Variants in C2CD5 observed in about 807,000 individuals in gnomAD.
The protein encoded by C2CD5 is C2 calcium dependent domain containing 5, also known as C2 domain-containing protein 5.
In C2CD5, 109 loss-of-function variants were observed where a neutral mutation model predicts 130.3. The ratio of observed to expected loss-of-function variants is 0.84; its 90% CI spans 0.72 to 0.98. The LOEUF (loss-of-function observed/expected upper bound fraction) is 0.98, where lower values mean the gene tolerates loss of function less well. Among genes scored for constraint, C2CD5 ranks in the 50% least tolerant of loss-of-function variants. The pLI is 0.00. For synonymous variants in C2CD5, 454 were observed against 429.2 expected, an observed-to-expected ratio of 1.06 and a Z score of -0.71; for missense variants, 996 against 1,261.8, an observed-to-expected ratio of 0.79 and a Z score of 3.19.
At chr12:22,531,449 G>C (rs1271184857) in intron 3 of C2CD5, among the ~76,000 whole-genome samples, 2 of 152,150 alleles carry the variant, frequency 1.3e-5, no homozygotes, top group African/African-American at 4.8e-5. Flanking sequence ...CAGACCAATG[G>C]AATGGAGTTG....
chr12:22,481,496 T>A (rs1360514864), intron 14 of C2CD5, among the ~76,000 whole-genome samples: 1 of 152,064 alleles, frequency 6.6e-6, no homozygotes, highest in Non-Finnish European at 1.5e-5. Flanking sequence ...GGCACCTGGT[T>A]CTCTGAGTCC....
chr12:22,543,809 C>T (rs1302313593), intron 2 of C2CD5, among the ~76,000 whole-genome samples: 2 of 152,114 alleles, frequency 1.3e-5, no homozygotes, highest in Non-Finnish European at 2.9e-5. Context: ...GTCCTGACAT[C>T]AGGGTCACCC....
intron 15 of C2CD5, chr12:22,477,332 A>AATG (rs997703499): frequency 3.3e-5 from 5 of 152,184 alleles, no homozygotes; most frequent in African/African-American, 4.8e-5. Flanking sequence ...CACAGTGAAT[A>AATG]ATGAATAGTG....
At chr12:22,527,609 C>T (rs1950845069) in intron 4 of C2CD5, 112 bp downstream of exon 4, 3 of 625,276 alleles carry the variant, frequency 4.8e-6, no homozygotes, top group Non-Finnish European at 5.1e-6. Context: ...TGAGCCACCG[C>T]ACCTAGCCTA....
intron 2 of C2CD5, among the ~76,000 whole-genome samples, chr12:22,542,895 C>T (rs7971095): frequency 0.046 from 7,029 of 152,262 alleles, 556 homozygotes; most frequent in African/African-American, 0.16. Flanking sequence ...AAATTCAACA[C>T]GTTACCTATT....
chr12:22,498,553 TAAATG>T (rs1336451516), intron 10 of C2CD5, among the ~76,000 whole-genome samples: 1 of 152,212 alleles, frequency 6.6e-6, no homozygotes, highest in Admixed American at 6.5e-5. Context: ...GCTCCTAAAC[TAAATG>T]AATTTTCTAA....
In C2CD5 at chr12:22,482,759, A is replaced by C. The variant is rs1350931564; in HGVS notation, c.1551-16T>G. 3 of 1,601,500 alleles carry C rather than the reference A, an allele frequency of 1.9e-6. No homozygotes were observed. The South Asian group carries it at 3.3e-5, about 18-fold the overall frequency. On this transcript the variant is annotated splice_polypyrimidine_tract_variant and intron_variant, in intron 13 of 26. Coordinates refer to ENST00000446597, the MANE Select transcript of C2CD5 (RefSeq NM_001286176.2). The stretch of plus-strand genomic sequence containing the variant: ...GCGACATAACCTGTAAAGGAAAATA[A>C]GTCAGTGAACAGTATTCTTGGTACC...
At chr12:22,508,037 C>T (rs1401325356) in intron 9 of C2CD5, among the ~76,000 whole-genome samples, 1 of 152,028 alleles carries the variant, frequency 6.6e-6, no homozygotes, top group African/African-American at 2.4e-5. Flanking sequence ...CAGAAGCAGG[C>T]TTATTAAAAG....
rs767886202 is a variant in C2CD5 at position 22,457,159 on chromosome 12, T to C, written c.2689A>G (p.Met897Val). The C allele has an allele frequency of 2.5e-6, 4 of 1,592,464 alleles. No individual in the cohort carries two copies. The highest frequency in any genetic ancestry group is 1.1e-5 in the South Asian group (1 of 87,158). ...ACTGGACTTGCTTTTTCAACTGTCA[T>C]GGCTAAAATTGGAGAAAAATGAGAA... ...TIRRGSIKTT[M>V]TVEKASPVGD... The change falls in exon 25 of 27, where the codon ATG becomes GTG. Residue 897 changes from methionine to valine, a missense_variant and splice_region_variant. By Grantham distance (21) the Met-to-Val change is conservative. Transcript: ENST00000446597.
intron 10 of C2CD5, among the ~76,000 whole-genome samples, chr12:22,497,425 T>C (rs1947163926): frequency 6.6e-6 from 1 of 152,128 alleles, no homozygotes; most frequent in African/African-American, 2.4e-5. Context: ...AAATATTGTT[T>C]AAAAATAAAA....
At chr12:22,531,787 T>C (rs1008077366) in intron 3 of C2CD5, among the ~76,000 whole-genome samples, 4 of 152,190 alleles carry the variant, frequency 2.6e-5, no homozygotes, top group African/African-American at 9.6e-5. Flanking sequence ...TCCACAGAGA[T>C]AATAAATAAA....
intron 11 of C2CD5, among the ~76,000 whole-genome samples, chr12:22,492,138 T>C (rs1177616442): frequency 6.6e-6 from 1 of 152,132 alleles, no homozygotes; most frequent in African/African-American, 2.4e-5. Context: ...TTTAATTCTT[T>C]TTCCCTAACA....
intron 22 of C2CD5, among the ~76,000 whole-genome samples, chr12:22,465,931 T>G (rs1314948607): frequency 6.6e-6 from 1 of 151,980 alleles, no homozygotes; most frequent in African/African-American, 2.4e-5. Flanking sequence ...TAACACCAAA[T>G]CAACCATAAA....
At chr12:22,471,321 G>A in intron 20 of C2CD5, 78 bp downstream of exon 20, 3 of 828,364 alleles carry the variant, frequency 3.6e-6, no homozygotes, top group South Asian at 1.7e-5. Context: ...TTTAATTACG[G>A]CAAAATTATG....
chr12:22,538,348 C>T (rs1952017727), intron 2 of C2CD5, among the ~76,000 whole-genome samples: 1 of 152,274 alleles, frequency 6.6e-6, no homozygotes, highest in South Asian at 2.1e-4. Flanking sequence ...TTTACATTCA[C>T]TCATTTATAT....
chr12:22,485,471 C>A (rs1394718531), intron 12 of C2CD5, among the ~76,000 whole-genome samples: 1 of 151,258 alleles, frequency 6.6e-6, no homozygotes, highest in Non-Finnish European at 1.5e-5. Flanking sequence ...CTACTAGGTA[C>A]CCCCCAAAAT....
At chr12:22,508,871 C>CT (rs60617771) in intron 9 of C2CD5, among the ~76,000 whole-genome samples, 9,424 of 138,334 alleles carry the variant, frequency 0.068, 614 homozygotes, top group African/African-American at 0.17. Context: ...ATACTTAAAT[C>CT]TTTTTTTTTT....
rs183925516 is a variant in C2CD5 at position 22,491,626 on chromosome 12, C to G, written c.1263-1408G>C. Among the ~76,000 whole-genome samples, 360 of 152,246 alleles carry G rather than the reference C, an allele frequency of 2.4e-3. 4 individuals are homozygous for G. Among genetic ancestry groups the G allele is most frequent in the African/African-American group, 8.4e-3 (349 of 41,544 alleles). ...TGGTGGCTTACGCCTGTAATCCCAG[C>G]ACTTTGGGAGGCCGAGGTGGACAGA... On this transcript the variant is annotated intron_variant, in intron 11 of 26. Transcript: ENST00000446597.
At chr12:22,485,707 A>AC (rs1392809560) in intron 12 of C2CD5, among the ~76,000 whole-genome samples, 1 of 152,146 alleles carries the variant, frequency 6.6e-6, no homozygotes, top group Non-Finnish European at 1.5e-5. Flanking sequence ...AATGTGTTAT[A>AC]AGAGGGTACA....
Sources: allele counts gnomAD v4.1 joint callset (sites outside exome capture counted in the v4.1 genomes callset), GRCh38; gene constraint gnomAD v4.1.1; transcripts MANE v1.5; gene names NCBI Gene and HGNC (gene_info 2026-07-23, HGNC 2026-07-21).